Variants in DLC1 observed in about 807,000 individuals in gnomAD.
DLC1 encodes the protein rho GTPase-activating protein 7.
A neutral mutation model predicts 140.3 loss-of-function variants in DLC1; 54 were observed. The observed-to-expected ratio is 0.38, with a 90% CI of 0.31 to 0.48. The LOEUF is 0.48. Among genes scored for constraint, DLC1 ranks in the 20% least tolerant of loss-of-function variants. The pLI, the probability that DLC1 is intolerant of heterozygous loss-of-function variation, is 0.96. For missense variants in DLC1, 2,536 were observed against 1,907.0 expected (o/e 1.33, Z -6.14); for synonymous variants, 986 against 728.1 (o/e 1.35, Z -5.70).
At chr8:13,528,532 C>G (rs1190794879) in intron 1 of DLC1, among the ~76,000 whole-genome samples, 1 of 152,054 alleles carries the variant, frequency 6.6e-6, no homozygotes, top group Non-Finnish European at 1.5e-5. Flanking sequence ...AATTTCACTA[C>G]CAAAATAATC....
chr8:13,463,692 A>G (rs567398870), intron 2 of DLC1, among the ~76,000 whole-genome samples: 103 of 152,310 alleles, frequency 6.8e-4, no homozygotes, highest in African/African-American at 2.4e-3. Flanking sequence ...ATAGCCACTC[A>G]TAGTTATTAT....
chr8:13,209,901 C>T (rs1460427490), intron 5 of DLC1, among the ~76,000 whole-genome samples: 1 of 152,110 alleles, frequency 6.6e-6, no homozygotes, highest in Non-Finnish European at 1.5e-5. Context: ...GCAAATTACC[C>T]AGTTTCAGGT....
intron 1 of DLC1, among the ~76,000 whole-genome samples, chr8:13,560,112 T>C (rs1163079640): frequency 6.6e-6 from 1 of 152,220 alleles, no homozygotes; most frequent in Non-Finnish European, 1.5e-5. Context: ...TGAAGTTGCT[T>C]TGCTACTCTT....
intron 4 of DLC1, among the ~76,000 whole-genome samples, chr8:13,389,596 T>A (rs11990225): frequency 0.023 from 3,454 of 150,790 alleles, 117 homozygotes; most frequent in African/African-American, 0.079. Flanking sequence ...CTCAGAAATC[T>A]ATATTACTGC....
Position 13,086,399 on chromosome 8 carries a change from G to A in DLC1, c.4357C>T (p.Arg1453Cys), listed in dbSNP as rs781164210. ...ACCCTCACACCCACCACAGGTGCGC[G>A]ATCGTGATCCACAGAGGTTAGTAAA... ...ALLLTSVDHD[R>C]APVVGVRVNV... The change falls in exon 17 of 18, where the codon CGC becomes TGC. Residue 1453 changes from arginine to cysteine, a missense_variant. Physicochemically the swap from Arg to Cys is radical, Grantham distance 180. Coordinates refer to ENST00000276297, the MANE Select transcript of DLC1 (RefSeq NM_182643.3). 1.2e-5 allele frequency: 20 copies of A among 1,614,080 alleles called. No individual in the cohort carries two copies. The highest frequency in any genetic ancestry group is 8.0e-5 in the African/African-American group (6 of 74,922).
intron 5 of DLC1, among the ~76,000 whole-genome samples, chr8:13,148,124 T>TG (rs1182709335): frequency 6.6e-6 from 1 of 152,124 alleles, no homozygotes; most frequent in Non-Finnish European, 1.5e-5. Flanking sequence ...GTTTGATTTT[T>TG]TTTTTTAATT....
chr8:13,090,379 T>A lies in DLC1; in HGVS notation c.3947A>T (p.Asp1316Val). Reference protein sequence around the residue: ...TLEALGHLGNDDSADYQHFLQ... With the variant: ...TLEALGHLGNVDSADYQHFLQ... ...GAAGTGTTGGTAGTCAGCTGAGTCATCATTACCCAGGTGCCCGAGTGCTTC... is the reference window on the plus strand; with the variant it reads ...GAAGTGTTGGTAGTCAGCTGAGTCAACATTACCCAGGTGCCCGAGTGCTTC... Residue 1316 changes from aspartate to valine, a missense_variant, in exon 15 of 18, where the codon GAT becomes GTT. Coordinates refer to ENST00000276297, the MANE Select transcript of DLC1 (RefSeq NM_182643.3). The A allele has an allele frequency of 6.2e-7, 1 of 1,614,218 alleles. No individual in the cohort carries two copies.
chr8:13,601,282 G>A (rs1435367665), intron 1 of DLC1, among the ~76,000 whole-genome samples: 1 of 151,732 alleles, frequency 6.6e-6, no homozygotes, highest in African/African-American at 2.4e-5. Flanking sequence ...TAGCTCTTGA[G>A]CTCAAATTCC....
chr8:13,162,218 T>A (rs377670972), intron 5 of DLC1, among the ~76,000 whole-genome samples: 2 of 152,166 alleles, frequency 1.3e-5, no homozygotes, highest in Non-Finnish European at 1.5e-5. Context: ...AATTCTATGG[T>A]CTTGGCAGAT....
intron 4 of DLC1, chr8:13,340,914 T>G (rs1208451646): frequency 1.3e-5 from 2 of 152,232 alleles, no homozygotes; most frequent in African/African-American, 2.4e-5. Flanking sequence ...GCAAGGGAAT[T>G]ATTCCTATTT....
intron 1 of DLC1, among the ~76,000 whole-genome samples, chr8:13,502,944 AAG>A (rs1370509194): frequency 1.3e-5 from 2 of 152,226 alleles, no homozygotes; most frequent in African/African-American, 2.4e-5. Flanking sequence ...TTAACATCAC[AAG>A]AGACTGTATG....
intron 2 of DLC1, among the ~76,000 whole-genome samples, chr8:13,476,029 TAGG>T (rs1175313344): frequency 6.6e-6 from 1 of 152,194 alleles, no homozygotes; most frequent in African/African-American, 2.4e-5. Context: ...TCTTAGGGCA[TAGG>T]AGAAGTAAGT....
chr8:13,442,070 C>A (rs1367108387), intron 2 of DLC1, among the ~76,000 whole-genome samples: 1 of 152,180 alleles, frequency 6.6e-6, no homozygotes, highest in Non-Finnish European at 1.5e-5. Context: ...ACTATCTGAT[C>A]TTTGACAAAC....
chr8:13,532,826 C>A (rs1803144257), intron 1 of DLC1, among the ~76,000 whole-genome samples: 1 of 152,174 alleles, frequency 6.6e-6, no homozygotes, highest in Admixed American at 6.5e-5. Flanking sequence ...ACCCTGTAGA[C>A]CCTCATCCCC....
At chr8:13,154,585 A>C (rs949288043) in intron 5 of DLC1, among the ~76,000 whole-genome samples, 17 of 152,194 alleles carry the variant, frequency 1.1e-4, no homozygotes, top group Admixed American at 2.0e-4. Context: ...CTCTCCCTCC[A>C]CACCTCCCGG....
intron 1 of DLC1, among the ~76,000 whole-genome samples, chr8:13,576,829 A>C (rs1043391302): frequency 2.0e-5 from 3 of 152,206 alleles, no homozygotes; most frequent in African/African-American, 7.2e-5. Context: ...AGAGTTGTGC[A>C]AGTGCCCTAC....
intron 2 of DLC1, among the ~76,000 whole-genome samples, chr8:13,491,291 T>C (rs1244561308): frequency 6.6e-6 from 1 of 151,924 alleles, no homozygotes; most frequent in Non-Finnish European, 1.5e-5. Context: ...CTTATTCTAT[T>C]CTTCCTGCCA....
intron 5 of DLC1, among the ~76,000 whole-genome samples, chr8:13,221,859 A>C (rs1257089968): frequency 6.9e-6 from 1 of 144,478 alleles, no homozygotes; most frequent in Non-Finnish European, 1.5e-5. Context: ...ATATTAATAT[A>C]TTAATAAAAT....
At chr8:13,291,355 T>G (rs180903538) in intron 5 of DLC1, among the ~76,000 whole-genome samples, 29 of 152,356 alleles carry the variant, frequency 1.9e-4, no homozygotes, top group African/African-American at 7.0e-4. Context: ...AGTAAATATT[T>G]TTTGTTAATT....
Sources: gnomAD v4.1 joint callset for allele counts (sites outside exome capture counted in the v4.1 genomes callset) on GRCh38, gnomAD v4.1.1 for gene constraint, MANE v1.5 for transcripts, NCBI Gene and HGNC (gene_info 2026-07-23, HGNC 2026-07-21) for gene names.